NCOR1: variants seen among roughly 807,000 people sequenced by gnomAD.
NCOR1 encodes the protein protein phosphatase 1, regulatory subunit 109.
NCOR1 carries 63 observed loss-of-function variants against 288.1 expected under a neutral mutation model. The ratio of observed to expected loss-of-function variants is 0.22; its 90% CI spans 0.18 to 0.27. The LOEUF is 0.27. Among genes scored for constraint, NCOR1 ranks in the 10% least tolerant of loss-of-function variants. The pLI is 1.00. For missense variants in NCOR1, 2,397 were observed against 3,019.2 expected, an observed-to-expected ratio of 0.79 and a Z score of 4.83; for synonymous variants, 1,007 against 1,065.9, an observed-to-expected ratio of 0.94 and a Z score of 1.08.
chr17:16,053,260 T>C (rs1169653504), intron 40 of NCOR1, among the ~76,000 whole-genome samples: 2 of 152,208 alleles, frequency 1.3e-5, no homozygotes, highest in African/African-American at 4.8e-5. Flanking sequence ...AAACTATCTC[T>C]GTTTGCAGAC....
At chr17:16,043,050 T>G (rs1445284019) in intron 42 of NCOR1, among the ~76,000 whole-genome samples, 2 of 152,022 alleles carry the variant, frequency 1.3e-5, no homozygotes, top group Admixed American at 6.5e-5. Context: ...AGACTGAGCT[T>G]CTAAGGAGAC....
intron 6 of NCOR1, among the ~76,000 whole-genome samples, chr17:16,157,646 A>G (rs939804073): frequency 6.6e-6 from 1 of 152,166 alleles, no homozygotes; most frequent in Non-Finnish European, 1.5e-5. Flanking sequence ...AATCAAAACA[A>G]CAATCCCAAA....
chr17:16,113,905 A>T (rs2070907944), intron 18 of NCOR1, among the ~76,000 whole-genome samples: 1 of 152,142 alleles, frequency 6.6e-6, no homozygotes, highest in Non-Finnish European at 1.5e-5. Flanking sequence ...AAAAAAAGAA[A>T]AAAGAAAAAA....
At chr17:16,201,946 G>A (rs2090867242) in intron 1 of NCOR1, among the ~76,000 whole-genome samples, 1 of 152,132 alleles carries the variant, frequency 6.6e-6, no homozygotes, top group East Asian at 1.9e-4. Flanking sequence ...AAAAAATACG[G>A]CTGGGCGCGG....
intron 18 of NCOR1, among the ~76,000 whole-genome samples, chr17:16,114,661 C>T (rs1278678000): frequency 6.6e-6 from 1 of 152,220 alleles, no homozygotes; most frequent in African/African-American, 2.4e-5. Context: ...TCCAGCAGGG[C>T]AGTCAAACCT....
chr17:16,134,882 G>A (rs1027171440), intron 14 of NCOR1, among the ~76,000 whole-genome samples: 12 of 152,168 alleles, frequency 7.9e-5, no homozygotes, highest in South Asian at 2.1e-4. Context: ...AGCTGAGGCC[G>A]GGCGCCGTGG....
chr17:16,132,312 C>A (rs1191882234), intron 14 of NCOR1, among the ~76,000 whole-genome samples: 3 of 152,184 alleles, frequency 2.0e-5, no homozygotes, highest in Non-Finnish European at 4.4e-5. Flanking sequence ...TCTACCTGCA[C>A]AGTGACAGAC....
chr17:16,136,806 C>CAAAAA (rs60523446), intron 14 of NCOR1, among the ~76,000 whole-genome samples: 7 of 111,736 alleles, frequency 6.3e-5, no homozygotes, highest in African/African-American at 1.9e-4. Context: ...GACTCTGTTT[C>CAAAAA]AAAAAAAAAA....
At chr17:16,053,500 C>T (rs2059550190) in intron 40 of NCOR1, among the ~76,000 whole-genome samples, 2 of 151,996 alleles carry the variant, frequency 1.3e-5, no homozygotes, top group South Asian at 4.2e-4. Context: ...TGAAAGATCT[C>T]TACAAGGGGA....
At position 16,049,033 on chromosome 17, in the gene NCOR1, C is replaced by G. The variant is rs765645175; in HGVS notation, c.6393-45G>C. 9.2e-6 allele frequency: 14 copies of G among 1,515,744 alleles called. 2 individuals are homozygous for G. The South Asian group carries it at 1.5e-4, about 17-fold the overall frequency. 93.9% of individuals were successfully genotyped at this position (1,515,744 alleles called of 1,614,324 possible). The stretch of plus-strand genomic sequence containing the variant: ...ATTAGATTGTGTTTCAAAGGCTAAC[C>G]TGGGACTTACCTAAACAGAAACTTG... On this transcript the variant is annotated intron_variant, in intron 40 of 45. Transcript: ENST00000268712.
chr17:16,065,359 G>A (rs2285582), intron 33 of NCOR1, 126 bp downstream of exon 33: 606,476 of 1,098,434 alleles, frequency 0.55, 172,679 homozygotes, highest in African/African-American at 0.73. Flanking sequence ...GTCTACGGGA[G>A]GAAGGATATA....
At position 16,057,811 on chromosome 17, in the gene NCOR1, AG is replaced by A. The variant is rs1433342937; in HGVS notation, c.6169-75del. On this transcript the variant is annotated intron_variant, in intron 39 of 45. Coordinates refer to ENST00000268712, the MANE Select transcript of NCOR1 (RefSeq NM_006311.4). ...AAAAAAAAATAGTATTAAGAAATCT[AG>A]ATATCTTTATTATAAATTTCTTTTT... is the stretch of plus-strand genomic sequence containing the variant. 3 of 1,484,216 alleles carry A rather than the reference AG, an allele frequency of 2.0e-6. No homozygotes were observed. The African/African-American group carries it at 4.3e-5, about 21-fold the overall frequency. The allele number at this position is 1,484,216 out of a possible 1,614,324, so 91.9% of individuals were successfully genotyped here.
At chr17:16,167,789 G>A (rs184484874) in intron 4 of NCOR1, among the ~76,000 whole-genome samples, 1 of 150,368 alleles carries the variant, frequency 6.7e-6, no homozygotes, top group African/African-American at 2.4e-5. Context: ...GAACCCGGGA[G>A]GCGGAGGTTG....
At chr17:16,057,244 C>T (rs879542796) in intron 40 of NCOR1, 1 of 420,620 alleles carries the variant, frequency 2.4e-6, no homozygotes, top group East Asian at 4.7e-5. Context: ...CAAACCACTA[C>T]CAAACTACAC....
intron 3 of NCOR1, among the ~76,000 whole-genome samples, chr17:16,175,114 T>TTA (rs2083872518): frequency 6.6e-6 from 1 of 151,818 alleles, no homozygotes; most frequent in Non-Finnish European, 1.5e-5. Context: ...ACGCCTGTAA[T>TTA]CCCAAGACTT....
Position 16,159,473 on chromosome 17 carries a change from A to C in NCOR1, c.619-600T>G, listed in dbSNP as rs534869158. On this transcript the variant is annotated intron_variant, in intron 5 of 45. Transcript: ENST00000268712. Reference sequence around the variant, plus strand: ...GACAAACTTAAAGCAAAATAATAAGAGAAGTTAAATTTAATGAAGGTACTC... The same window carrying C: ...GACAAACTTAAAGCAAAATAATAAGCGAAGTTAAATTTAATGAAGGTACTC... 2.3e-4 allele frequency among the ~76,000 whole-genome samples: 35 copies of C among 151,826 alleles called. No individual in the cohort carries two copies. The South Asian group carries it at 5.2e-3, about 23-fold the overall frequency.
chr17:16,179,574 T>C (rs573650741), intron 3 of NCOR1, among the ~76,000 whole-genome samples: 1 of 152,214 alleles, frequency 6.6e-6, no homozygotes, highest in East Asian at 1.9e-4. Context: ...TCCTAAACTC[T>C]TCCAAAAAAT....
intron 19 of NCOR1, among the ~76,000 whole-genome samples, chr17:16,103,541 C>T (rs778950864): frequency 5.9e-5 from 9 of 152,250 alleles, no homozygotes; most frequent in Non-Finnish European, 1.3e-4. Flanking sequence ...AGTGGGCCCC[C>T]TCCAGCCTCT....
At chr17:16,165,728 T>A (rs1180561388) in intron 4 of NCOR1, among the ~76,000 whole-genome samples, 1 of 152,186 alleles carries the variant, frequency 6.6e-6, no homozygotes, top group African/African-American at 2.4e-5. Flanking sequence ...CACTACAGCA[T>A]ACATAACATT....
Sources: gnomAD v4.1 joint callset for allele counts (sites outside exome capture counted in the v4.1 genomes callset) on GRCh38, gnomAD v4.1.1 for gene constraint, MANE v1.5 for transcripts, NCBI Gene and HGNC (gene_info 2026-07-23, HGNC 2026-07-21) for gene names.